IPCEF1: variants seen among roughly 807,000 people sequenced by gnomAD.
IPCEF1 encodes the protein interaction protein for cytohesin exchange factors 1.
A neutral mutation model predicts 50.9 loss-of-function variants in IPCEF1; 31 were observed. That is an observed-to-expected ratio of 0.61 (90% CI 0.46 to 0.82). The LOEUF is 0.82. Ranked by LOEUF, IPCEF1 falls within the 40% of genes least tolerant of loss-of-function variation. The pLI is 0.00. For missense variants in IPCEF1, 458 were observed against 514.0 expected, an observed-to-expected ratio of 0.89 and a Z score of 1.05; for synonymous variants, 181 against 192.0, an observed-to-expected ratio of 0.94 and a Z score of 0.47.
chr6:154,198,582 T>A (rs1410681321), intron 10 of IPCEF1, among the ~76,000 whole-genome samples: 1 of 151,494 alleles, frequency 6.6e-6, no homozygotes, highest in Non-Finnish European at 1.5e-5. Flanking sequence ...ACTTGGAGAA[T>A]TAGTTACCAG....
intron 1 of IPCEF1, among the ~76,000 whole-genome samples, chr6:154,345,416 G>A (rs553918826): frequency 6.6e-6 from 1 of 152,130 alleles, no homozygotes; most frequent in African/African-American, 2.4e-5. Context: ...TGATGATATT[G>A]ACAAGCTTAA....
At position 154,290,893 on chromosome 6, in the gene IPCEF1, C is replaced by CTTTTTTTTTTT. The variant is rs3045866; in HGVS notation, c.-61-1148_-61-1138dup. Among the ~76,000 whole-genome samples, 249 of 127,252 alleles carry CTTTTTTTTTTT rather than the reference C, an allele frequency of 2.0e-3. 9 individuals are homozygous for CTTTTTTTTTTT. The highest frequency in any genetic ancestry group is 3.5e-3 in the African/African-American group (111 of 31,536). The allele number at this position is 127,252 out of a possible 152,430, so 83.5% of individuals were successfully genotyped here. ...AATTTTTCCAGTAGGAATATATTGC[C>CTTTTTTTTTTT]TTTTTTTTTTTTTTGAGACAGAGTC... On this transcript the variant is annotated intron_variant, in intron 1 of 11. Transcript: ENST00000367220.
intron 1 of IPCEF1, among the ~76,000 whole-genome samples, chr6:154,312,346 A>C (rs1783098282): frequency 6.6e-6 from 1 of 151,988 alleles, no homozygotes; most frequent in African/African-American, 2.4e-5. Context: ...TTGGTCAAAG[A>C]ATCAAAACTT....
At chr6:154,308,621 T>G (rs1209279312) in intron 1 of IPCEF1, among the ~76,000 whole-genome samples, 2 of 152,220 alleles carry the variant, frequency 1.3e-5, no homozygotes, top group Non-Finnish European at 2.9e-5. Flanking sequence ...ATCTTTGCTG[T>G]TTAATTGAAA....
At chr6:154,180,176 C>T (rs1008087626) in intron 10 of IPCEF1, among the ~76,000 whole-genome samples, 24 of 152,032 alleles carry the variant, frequency 1.6e-4, no homozygotes, top group Non-Finnish European at 3.2e-4. Flanking sequence ...TGTCCAAAAT[C>T]CCTGCTTAAA....
intron 11 of IPCEF1, among the ~76,000 whole-genome samples, chr6:154,162,213 C>A (rs1377040851): frequency 3.3e-5 from 5 of 152,222 alleles, no homozygotes; most frequent in Non-Finnish European, 7.3e-5. Flanking sequence ...ATTCTGTTCT[C>A]TCCTCTGACT....
Position 154,200,007 on chromosome 6 carries a change from G to T in IPCEF1, c.571C>A (p.Leu191Met). The change falls in exon 10 of 12, where the codon CTG becomes ATG. Residue 191 changes from leucine (L) to methionine (M), a missense_variant. Physicochemically the swap from Leu to Met is conservative, Grantham distance 15 (BLOSUM62 2). Coordinates refer to ENST00000367220, the MANE Select transcript of IPCEF1 (RefSeq NM_001130700.2). ...GAGAAAGAATACGACGTTCCACTCA[G>T]GCTGGGTGAGGATGAAGATGCCTGC... ...AQQASSSSPS[L>M]SGTSYSFSSL... 2 of 1,613,984 alleles carry T rather than the reference G, an allele frequency of 1.2e-6. No individual in the cohort carries two copies. Among genetic ancestry groups the T allele is most frequent in the Non-Finnish European group, 1.7e-6 (2 of 1,179,910 alleles).
intron 3 of IPCEF1, among the ~76,000 whole-genome samples, chr6:154,254,347 C>T (rs1781408155): frequency 6.6e-6 from 1 of 152,082 alleles, no homozygotes; most frequent in South Asian, 2.1e-4. Flanking sequence ...AGAAAAGTTA[C>T]GATCATGGTG....
At position 154,332,980 on chromosome 6, in the gene IPCEF1, C is replaced by T. The variant is rs548795102; in HGVS notation, c.-62+23692G>A. ...GAGAATCGAAAAACAATTGATCTAA[C>T]GGAAAACCCAGCATTTTTTACCCCC... is the stretch of plus-strand genomic sequence containing the variant. On this transcript the variant is annotated intron_variant, in intron 1 of 11. Coordinates refer to ENST00000367220, the MANE Select transcript of IPCEF1 (RefSeq NM_001130700.2). 3.3e-4 allele frequency among the ~76,000 whole-genome samples: 51 copies of T among 152,270 alleles called. 1 individual carries two copies. The South Asian group carries it at 8.9e-3, about 27-fold the overall frequency.
chr6:154,324,855 A>T (rs1344494831), intron 1 of IPCEF1, among the ~76,000 whole-genome samples: 1 of 150,212 alleles, frequency 6.7e-6, no homozygotes, highest in Admixed American at 6.7e-5. Flanking sequence ...AAAGATTAGC[A>T]AATGTGACTA....
chr6:154,263,695 C>T (rs550714924), intron 3 of IPCEF1, among the ~76,000 whole-genome samples: 782 of 72,992 alleles, frequency 0.011, 18 homozygotes, highest in African/African-American at 0.027. Flanking sequence ...CTTCCCCACC[C>T]TTCCCCCCTT....
chr6:154,265,469 C>G lies in IPCEF1; in HGVS notation c.36+443G>C, dbSNP rs528972854. Among the ~76,000 whole-genome samples, 10 of 151,510 alleles carry G rather than the reference C, an allele frequency of 6.6e-5. No homozygotes were observed. In the South Asian group the frequency reaches 8.3e-4, roughly 13 times the overall value. ...CTAATTTTTGTATTTTTAGTACAGACAGAGTTTCACCATGTTGGCCAGGCT... is the reference window on the plus strand; with the variant it reads ...CTAATTTTTGTATTTTTAGTACAGAGAGAGTTTCACCATGTTGGCCAGGCT... On this transcript the variant is annotated intron_variant, in intron 3 of 11. Transcript: ENST00000367220.
intron 1 of IPCEF1, among the ~76,000 whole-genome samples, chr6:154,323,773 T>C (rs1783451002): frequency 6.6e-6 from 1 of 152,100 alleles, no homozygotes; most frequent in Non-Finnish European, 1.5e-5. Flanking sequence ...ACCAACATGG[T>C]GAAACCCTGT....
rs1554291319 is a variant in IPCEF1 at position 154,192,318 on chromosome 6, C to CTGTGTGCT, written c.910+7349_910+7350insAGCACACA. Among the ~76,000 whole-genome samples, 3 of 148,030 alleles carry CTGTGTGCT rather than the reference C, an allele frequency of 2.0e-5. No homozygotes were observed. The East Asian group carries it at 6.0e-4, about 30-fold the overall frequency. ...GACCCAAATGGTGGCCACGTGGTTACTGTGTGTGTGTGTGTGTGTGTGTGT... is the reference window on the plus strand; with the variant it reads ...GACCCAAATGGTGGCCACGTGGTTACTGTGTGCTTGTGTGTGTGTGTGTGTGTGTGTGT... On this transcript the variant is annotated intron_variant, in intron 10 of 11. Transcript: ENST00000367220.
At chr6:154,222,896 G>C in intron 6 of IPCEF1, 1 of 452,064 alleles carries the variant, frequency 2.2e-6, no homozygotes, top group Non-Finnish European at 4.0e-6. Flanking sequence ...AGTCCTGGAG[G>C]GGGTTTATTC....
intron 10 of IPCEF1, among the ~76,000 whole-genome samples, chr6:154,172,728 A>G (rs1799977311): frequency 6.6e-6 from 1 of 152,246 alleles, no homozygotes; most frequent in African/African-American, 2.4e-5. Flanking sequence ...CTCTGGGGGC[A>G]GGGCATATCT....
At chr6:154,321,639 G>A (rs1783378469) in intron 1 of IPCEF1, among the ~76,000 whole-genome samples, 1 of 151,942 alleles carries the variant, frequency 6.6e-6, no homozygotes, top group Non-Finnish European at 1.5e-5. Flanking sequence ...AGTTAGCCGG[G>A]TGTGGTGGCA....
At chr6:154,203,990 A>G (rs1777281313) in intron 9 of IPCEF1, among the ~76,000 whole-genome samples, 1 of 152,210 alleles carries the variant, frequency 6.6e-6, no homozygotes, top group African/African-American at 2.4e-5. Flanking sequence ...CTCAGATAAA[A>G]GTATTATTTT....
intron 10 of IPCEF1, among the ~76,000 whole-genome samples, chr6:154,171,046 C>A (rs2128556731): frequency 6.6e-6 from 1 of 152,154 alleles, no homozygotes; most frequent in East Asian, 1.9e-4. Context: ...AATTGAGTTG[C>A]CACTTTAGAA....
Sources: allele counts gnomAD v4.1 joint callset (sites outside exome capture counted in the v4.1 genomes callset), GRCh38; gene constraint gnomAD v4.1.1; transcripts MANE v1.5; gene names NCBI Gene and HGNC (gene_info 2026-07-23, HGNC 2026-07-21).